EYS: variants seen among roughly 807,000 people sequenced by gnomAD.
EYS encodes EGF-like photoreceptor maintenance factor.
Under a neutral mutation model 282.1 loss-of-function variants are expected in EYS, and 250 were observed. That is an observed-to-expected ratio of 0.89 (90% CI 0.80 to 0.98). The LOEUF is 0.98. Ranked by LOEUF, EYS falls within the 50% of genes least tolerant of loss-of-function variation. The probability of loss-of-function intolerance (pLI) is 0.00; values close to 1 mark genes in which losing one functional copy is unlikely to be tolerated. For synonymous variants in EYS, 1,355 were observed against 1,282.9 expected, an observed-to-expected ratio of 1.06 and a Z score of -1.20; for missense variants, 4,016 against 3,709.0, an observed-to-expected ratio of 1.08 and a Z score of -2.15.
At chr6:63,857,751 C>CTT in intron 36 of EYS, 1 of 330,240 alleles carries the variant, frequency 3.0e-6, no homozygotes, top group Non-Finnish European at 6.2e-6. Context: ...AGACATAAAA[C>CTT]TTTGAAGACA....
At chr6:64,446,370 G>A (rs1461737451) in intron 26 of EYS, among the ~76,000 whole-genome samples, 2 of 151,874 alleles carry the variant, frequency 1.3e-5, no homozygotes, top group Non-Finnish European at 2.9e-5. Flanking sequence ...TAGAATACAT[G>A]TATTTTAGAA....
intron 29 of EYS, among the ~76,000 whole-genome samples, chr6:64,356,829 T>A (rs1771839299): frequency 6.6e-6 from 1 of 151,632 alleles, no homozygotes; most frequent in Non-Finnish European, 1.5e-5. Flanking sequence ...ATCTCCTTTT[T>A]TTCTTTCCTA....
intron 26 of EYS, among the ~76,000 whole-genome samples, chr6:64,587,565 T>C (rs1437020772): frequency 1.3e-5 from 2 of 152,076 alleles, no homozygotes; most frequent in African/African-American, 4.8e-5. Flanking sequence ...ATACAACCAC[T>C]ATTAAGCAGC....
intron 22 of EYS, among the ~76,000 whole-genome samples, chr6:64,707,932 T>C (rs544609308): frequency 1.1e-4 from 17 of 152,018 alleles, no homozygotes; most frequent in Non-Finnish European, 1.5e-5. Context: ...AAAGGGACTA[T>C]GAAGTGATAC....
chr6:64,309,611 C>G (rs954337553), intron 29 of EYS, among the ~76,000 whole-genome samples: 21 of 151,310 alleles, frequency 1.4e-4, no homozygotes, highest in African/African-American at 5.1e-4. Flanking sequence ...AAAATGTGAG[C>G]AAAGGACATG....
chr6:64,374,753 A>G (rs952528225), intron 29 of EYS, among the ~76,000 whole-genome samples: 3 of 152,160 alleles, frequency 2.0e-5, no homozygotes, highest in African/African-American at 7.2e-5. Flanking sequence ...TATGTTTGGG[A>G]GAAATCTAGT....
chr6:65,056,192 T>C (rs556389124), intron 13 of EYS, among the ~76,000 whole-genome samples: 1 of 152,162 alleles, frequency 6.6e-6, no homozygotes, highest in Admixed American at 6.6e-5. Flanking sequence ...GCTCCTTCCA[T>C]TGGCTCGCTT....
intron 31 of EYS, among the ~76,000 whole-genome samples, chr6:64,179,530 T>C (rs758019892): frequency 1.3e-5 from 2 of 152,074 alleles, no homozygotes; most frequent in African/African-American, 4.8e-5. Flanking sequence ...ATATTACATG[T>C]AATCAAGCAC....
intron 22 of EYS, among the ~76,000 whole-genome samples, chr6:64,775,695 A>C (rs946505647): frequency 1.3e-5 from 2 of 152,070 alleles, no homozygotes; most frequent in African/African-American, 2.4e-5. Context: ...GTATTTTTGA[A>C]AGACAAATAT....
At chr6:64,978,115 A>G (rs1047243131) in intron 14 of EYS, among the ~76,000 whole-genome samples, 3 of 151,948 alleles carry the variant, frequency 2.0e-5, no homozygotes, top group Non-Finnish European at 2.9e-5. Context: ...TTCTGTCAGA[A>G]GAAGATGCTA....
chr6:64,870,866 C>A (rs886854912), intron 19 of EYS, among the ~76,000 whole-genome samples: 1 of 151,612 alleles, frequency 6.6e-6, no homozygotes. Context: ...AAAGATAAGA[C>A]AATAGAATTT....
At chr6:65,632,101 G>A (rs980484906) in intron 2 of EYS, among the ~76,000 whole-genome samples, 3 of 151,980 alleles carry the variant, frequency 2.0e-5, no homozygotes, top group African/African-American at 7.2e-5. Context: ...ACACTTAACT[G>A]CCAAAAACCA....
chr6:65,154,882 T>C (rs1764696713), intron 12 of EYS, among the ~76,000 whole-genome samples: 1 of 151,566 alleles, frequency 6.6e-6, no homozygotes, highest in Admixed American at 6.6e-5. Context: ...TAATAGTTAA[T>C]AAGGAATTCA....
intron 38 of EYS, among the ~76,000 whole-genome samples, chr6:63,788,551 A>G (rs1049958963): frequency 2.6e-5 from 4 of 152,136 alleles, no homozygotes; most frequent in African/African-American, 9.7e-5. Flanking sequence ...TCAATTCTCC[A>G]TAGAACCACC....
chr6:65,583,973 A>T (rs940782799), intron 2 of EYS, among the ~76,000 whole-genome samples: 28 of 152,148 alleles, frequency 1.8e-4, no homozygotes, highest in African/African-American at 6.7e-4. Context: ...AAAATAAAAA[A>T]AAAAAATTTC....
At chr6:64,140,472 C>G (rs1056244217) in intron 31 of EYS, among the ~76,000 whole-genome samples, 3 of 152,176 alleles carry the variant, frequency 2.0e-5, no homozygotes, top group Non-Finnish European at 4.4e-5. Context: ...CCACCTGCCT[C>G]TCATCCCAAG....
At chr6:65,484,257 G>T (rs1202305070) in intron 5 of EYS, among the ~76,000 whole-genome samples, 5 of 152,052 alleles carry the variant, frequency 3.3e-5, no homozygotes, top group African/African-American at 1.2e-4. Context: ...AAGTATCTCA[G>T]TTCTCTCCAA....
intron 8 of EYS, among the ~76,000 whole-genome samples, chr6:65,360,566 G>T (rs1232319477): frequency 6.6e-6 from 1 of 151,898 alleles, no homozygotes; most frequent in East Asian, 1.9e-4. Context: ...ATCATTTTCT[G>T]GTCTCCTATT....
At chr6:65,587,497 G>A (rs943571111) in intron 2 of EYS, among the ~76,000 whole-genome samples, 10 of 151,912 alleles carry the variant, frequency 6.6e-5, no homozygotes, top group African/African-American at 1.9e-4. Flanking sequence ...CCTTCCTGCC[G>A]CCATGTGAAG....
Sources: allele counts gnomAD v4.1 joint callset (sites outside exome capture counted in the v4.1 genomes callset), GRCh38; gene constraint gnomAD v4.1.1; transcripts MANE v1.5; gene names NCBI Gene and HGNC (gene_info 2026-07-23, HGNC 2026-07-21).